Variants in CPM observed in about 807,000 individuals in gnomAD.
CPM encodes renal carboxypeptidase.
A neutral mutation model predicts 46.4 loss-of-function variants in CPM; 35 were observed. The observed-to-expected ratio is 0.75, with a 90% CI of 0.58 to 1.00. The LOEUF (loss-of-function observed/expected upper bound fraction) is 1.00, where lower values mean the gene tolerates loss of function less well. Ranked by LOEUF, CPM falls within the 50% of genes least tolerant of loss-of-function variation. The probability of loss-of-function intolerance (pLI) is 0.00; values close to 1 mark genes in which losing one functional copy is unlikely to be tolerated. For synonymous variants in CPM, 195 were observed against 195.3 expected (o/e 1.00, Z 0.01); for missense variants, 422 against 530.4 (o/e 0.80, Z 2.01).
At chr12:68,857,620 G>A (rs10878873) in intron 8 of CPM, among the ~76,000 whole-genome samples, 3,825 of 152,032 alleles carry the variant, frequency 0.025, 177 homozygotes, top group African/African-American at 0.086. Flanking sequence ...TATTATATAT[G>A]GTGGAGAAGG....
chr12:68,875,542 A>T (rs1057284108), intron 3 of CPM, among the ~76,000 whole-genome samples: 7 of 152,086 alleles, frequency 4.6e-5, no homozygotes, highest in African/African-American at 1.7e-4. Flanking sequence ...GCGGTGGCTC[A>T]TTCCTATAAT....
At chr12:68,962,022 A>C (rs535953468) in intron 1 of CPM, among the ~76,000 whole-genome samples, 48 of 152,128 alleles carry the variant, frequency 3.2e-4, no homozygotes, top group African/African-American at 1.1e-3. Context: ...AACGCGGTGA[A>C]ACCCTGTCTC....
intron 2 of CPM, among the ~76,000 whole-genome samples, chr12:68,929,937 T>C (rs1375561377): frequency 1.3e-5 from 2 of 152,206 alleles, no homozygotes; most frequent in African/African-American, 4.8e-5. Flanking sequence ...TACATAGGCA[T>C]AGCACATATA....
Position 68,870,226 on chromosome 12 carries a change from T to C in CPM, c.605A>G (p.Asn202Ser), listed in dbSNP as rs1411241379. The change falls in exon 5 of 9, where the codon AAT becomes AGT. Residue 202 changes from asparagine (N) to serine (S), a missense_variant. Coordinates refer to ENST00000551568, the MANE Select transcript of CPM (RefSeq NM_198320.5). ...CCGCACCTGCTTACCTTGAACACCATTATCAAATGGGTAACTGGCCACGAG... is the reference window on the plus strand; with the variant it reads ...CCGCACCTGCTTACCTTGAACACCACTATCAAATGGGTAACTGGCCACGAG... ...GALVASYPFD[N>S]GVQATGALYS... 1.2e-5 allele frequency: 20 copies of C among 1,613,560 alleles called. No individual in the cohort carries two copies. Among genetic ancestry groups the C allele is most frequent in the Non-Finnish European group, 1.4e-5 (16 of 1,179,856 alleles).
chr12:68,868,862 T>G (rs1885570733), intron 6 of CPM, among the ~76,000 whole-genome samples: 1 of 152,234 alleles, frequency 6.6e-6, no homozygotes, highest in Non-Finnish European at 1.5e-5. Context: ...TAGTAGCAGC[T>G]GTCCCTGTTA....
chr12:68,903,617 T>A (rs1051948877), intron 2 of CPM, among the ~76,000 whole-genome samples: 1 of 152,254 alleles, frequency 6.6e-6, no homozygotes, highest in African/African-American at 2.4e-5. Flanking sequence ...TTAAAGCACA[T>A]CTTATCTTGA....
rs1403417641 is a variant in CPM at position 68,853,297 on chromosome 12, T to G, written c.*3140A>C. 6.6e-6 allele frequency: 1 copy of G among 152,210 alleles called. No individual in the cohort carries two copies. The highest frequency in any genetic ancestry group is 1.5e-5 in the Non-Finnish European group (1 of 68,034). The allele number at this position is 152,210 out of a possible 1,614,324, so 9.4% of individuals were successfully genotyped here. A position where few individuals can be genotyped will look rare whatever the true frequency, so the allele number is the denominator to read the frequency against. On this transcript the variant is annotated 3_prime_UTR_variant, in exon 9 of 9. Transcript: ENST00000551568. ...TTTCATCTTATATACTTTTAATTTG[T>G]AATATACCAAAGTCATTTTTGCAAT...
chr12:68,883,649 A>G (rs1886296735), intron 3 of CPM, among the ~76,000 whole-genome samples: 1 of 152,150 alleles, frequency 6.6e-6, no homozygotes, highest in East Asian at 1.9e-4. Context: ...GAAAGAATAA[A>G]CAAATTCGGG....
At chr12:68,926,701 A>C (rs1038895713) in intron 2 of CPM, among the ~76,000 whole-genome samples, 1 of 152,040 alleles carries the variant, frequency 6.6e-6, no homozygotes, top group Non-Finnish European at 1.5e-5. Context: ...TCCTAATGCT[A>C]TCCCTCCCCG....
intron 3 of CPM, among the ~76,000 whole-genome samples, chr12:68,874,482 G>A (rs1347654398): frequency 6.6e-6 from 1 of 152,104 alleles, no homozygotes; most frequent in Non-Finnish European, 1.5e-5. Context: ...TGGGCATGGT[G>A]GCAGGTGACT....
chr12:68,863,288 G>A (rs986146203), intron 7 of CPM, among the ~76,000 whole-genome samples: 1 of 152,190 alleles, frequency 6.6e-6, no homozygotes, highest in African/African-American at 2.4e-5. Context: ...GCTTTGAGGA[G>A]TCCAGGGGAA....
chr12:68,887,294 G>A (rs1377808197), intron 2 of CPM, among the ~76,000 whole-genome samples: 1 of 152,166 alleles, frequency 6.6e-6, no homozygotes, highest in African/African-American at 2.4e-5. Flanking sequence ...TGGAATTTAA[G>A]AGCCCAGGAG....
intron 3 of CPM, among the ~76,000 whole-genome samples, chr12:68,874,448 T>C (rs1433769909): frequency 6.6e-6 from 1 of 151,974 alleles, no homozygotes; most frequent in African/African-American, 2.4e-5. Flanking sequence ...AAACCCCATC[T>C]CTACTAAAAA....
intron 2 of CPM, among the ~76,000 whole-genome samples, chr12:68,907,914 C>T (rs1011628730): frequency 2.6e-5 from 4 of 152,104 alleles, no homozygotes; most frequent in Non-Finnish European, 4.4e-5. Context: ...TTGCAATCTC[C>T]GCCTCCCGGA....
At chr12:68,961,996 C>G (rs1277466218) in intron 1 of CPM, among the ~76,000 whole-genome samples, 1 of 151,916 alleles carries the variant, frequency 6.6e-6, no homozygotes, top group East Asian at 1.9e-4. Context: ...GTCAGCAGGT[C>G]GAGACCATCC....
intron 1 of CPM, 51 bp downstream of exon 1, chr12:68,933,091 C>T (rs1325260459): frequency 3.9e-5 from 15 of 385,476 alleles, no homozygotes; most frequent in Non-Finnish European, 7.1e-5. Flanking sequence ...GCGCCTCCGC[C>T]GTCCGGCAGC....
intron 1 of CPM, among the ~76,000 whole-genome samples, chr12:68,945,285 C>G (rs1888828146): frequency 6.6e-6 from 1 of 152,180 alleles, no homozygotes; most frequent in Admixed American, 6.5e-5. Flanking sequence ...AACTAAATCC[C>G]TCCCATGGTT....
At chr12:68,936,764 G>A (rs1007452950), upstream of CPM, among the ~76,000 whole-genome samples, 12 of 152,142 alleles carry the variant, frequency 7.9e-5, no homozygotes, top group Non-Finnish European at 1.5e-4. Context: ...ACATACAAAT[G>A]TATGACTTCT....
At chr12:68,928,712 A>G (rs1888373421) in intron 2 of CPM, among the ~76,000 whole-genome samples, 3 of 151,748 alleles carry the variant, frequency 2.0e-5, no homozygotes, top group Admixed American at 1.3e-4. Flanking sequence ...TACAATGATG[A>G]TCAGACTTAG....
Sources: gnomAD v4.1 joint callset for allele counts (sites outside exome capture counted in the v4.1 genomes callset) on GRCh38, gnomAD v4.1.1 for gene constraint, MANE v1.5 for transcripts, NCBI Gene and HGNC (gene_info 2026-07-23, HGNC 2026-07-21) for gene names.